The following HHAT variants were observed in gnomAD, a reference collection of about 807,000 sequenced individuals.
HHAT encodes hedgehog acyltransferase.
Under a neutral mutation model 70.8 loss-of-function variants are expected in HHAT, and 47 were observed. That is an observed-to-expected ratio of 0.66 (90% confidence interval 0.53 to 0.85). The LOEUF (loss-of-function observed/expected upper bound fraction) is 0.85, where lower values mean the gene tolerates loss of function less well. Ranked by LOEUF, HHAT falls within the 40% of genes least tolerant of loss-of-function variation. The probability of loss-of-function intolerance (pLI) is 0.00; values close to 1 mark genes in which losing one functional copy is unlikely to be tolerated. For missense variants in HHAT, 609 were observed against 604.8 expected, an observed-to-expected ratio of 1.01 and a Z score of -0.07; for synonymous variants, 228 against 247.6, an observed-to-expected ratio of 0.92 and a Z score of 0.74.
rs569469097 is a variant in HHAT, at chr1:210,444,961, T to C, written c.857-19544T>C. 3.9e-5 allele frequency among the ~76,000 whole-genome samples: 6 copies of C among 152,306 alleles called. 1 individual carries two copies. The South Asian group carries it at 1.2e-3, about 32-fold the overall frequency. Reference sequence around the variant, plus strand: ...TTCAAGCGATTCTCCTGCCTTAGCCTCCTGAGTAGATGGGATTACAGGTAT... The same window carrying C: ...TTCAAGCGATTCTCCTGCCTTAGCCCCCTGAGTAGATGGGATTACAGGTAT... On this transcript the variant is annotated intron_variant, in intron 7 of 11. Transcript: ENST00000261458.
Position 210,537,940 on chromosome 1 carries a change from ATTG to A in HHAT, c.1043+24758_1043+24760del, listed in dbSNP as rs2095390807. 4.6e-5 allele frequency among the ~76,000 whole-genome samples: 7 copies of A among 152,096 alleles called. No individual in the cohort carries two copies. In the South Asian group the frequency reaches 1.0e-3, roughly 23 times the overall value. On this transcript the variant is annotated intron_variant, in intron 9 of 11. Transcript: ENST00000261458. ...AGAGAATTTTATGATTCTGGGTTTT[ATTG>A]TTGTTATTGGTAATTGGATGATATA...
intron 8 of HHAT, among the ~76,000 whole-genome samples, chr1:210,481,007 A>G (rs955665530): frequency 1.3e-5 from 2 of 152,192 alleles, no homozygotes; most frequent in African/African-American, 4.8e-5. Context: ...AAAAGCACAT[A>G]CGCTCACATA....
At chr1:210,507,657 C>T (rs1391861125) in intron 8 of HHAT, among the ~76,000 whole-genome samples, 1 of 151,980 alleles carries the variant, frequency 6.6e-6, no homozygotes, top group Non-Finnish European at 1.5e-5. Flanking sequence ...CCGCACCTGG[C>T]CATGAGAATA....
chr1:210,556,904 C>G (rs946926526), intron 9 of HHAT, among the ~76,000 whole-genome samples: 1 of 152,130 alleles, frequency 6.6e-6, no homozygotes, highest in African/African-American at 2.4e-5. Flanking sequence ...GCCACTGACC[C>G]CCTGAAGGGC....
intron 9 of HHAT, among the ~76,000 whole-genome samples, chr1:210,537,745 T>C (rs1044134508): frequency 6.6e-6 from 1 of 152,238 alleles, no homozygotes; most frequent in Admixed American, 6.5e-5. Flanking sequence ...GGACTAGGAC[T>C]GGCATCTCGT....
chr1:210,358,643 A>T (rs1218352821), intron 2 of HHAT, among the ~76,000 whole-genome samples: 1 of 152,096 alleles, frequency 6.6e-6, no homozygotes, highest in African/African-American at 2.4e-5. Flanking sequence ...TATTGTACTC[A>T]TGGCTTCCTG....
At chr1:210,464,949 T>A (rs572788086) in intron 8 of HHAT, among the ~76,000 whole-genome samples, 1 of 152,226 alleles carries the variant, frequency 6.6e-6, no homozygotes, top group Non-Finnish European at 1.5e-5. Context: ...GAAAGGCTAC[T>A]GTATCTTGAT....
intron 1 of HHAT, 93 bp downstream of exon 1, chr1:210,329,197 G>T (rs1184751857): frequency 8.2e-7 from 1 of 1,223,654 alleles, no homozygotes; most frequent in Non-Finnish European, 1.0e-6. Flanking sequence ...TGCACAAAAC[G>T]CTTTCCGTTT....
At chr1:210,673,004 AC>A (rs1284863528) in intron 11 of HHAT, among the ~76,000 whole-genome samples, 1 of 152,190 alleles carries the variant, frequency 6.6e-6, no homozygotes, top group African/African-American at 2.4e-5. Flanking sequence ...CTTTTAACAC[AC>A]ACAATTGGAT....
intron 9 of HHAT, among the ~76,000 whole-genome samples, chr1:210,565,887 G>C (rs1471242606): frequency 1.3e-5 from 2 of 152,204 alleles, no homozygotes; most frequent in African/African-American, 4.8e-5. Context: ...AGGCTGGATG[G>C]CTCTTGGTGT....
At chr1:210,642,224 T>C (rs1253395773) in intron 11 of HHAT, among the ~76,000 whole-genome samples, 1 of 152,256 alleles carries the variant, frequency 6.6e-6, no homozygotes, top group East Asian at 1.9e-4. Context: ...CATTGTTATG[T>C]ATAGCAATAG....
chr1:210,358,709 G>C (rs1262631579), intron 2 of HHAT, among the ~76,000 whole-genome samples: 2 of 152,316 alleles, frequency 1.3e-5, no homozygotes, highest in Non-Finnish European at 2.9e-5. Flanking sequence ...AAACAGCGGG[G>C]CACGTGCCCC....
At chr1:210,355,996 A>C (rs1191436342) in intron 2 of HHAT, among the ~76,000 whole-genome samples, 1 of 152,074 alleles carries the variant, frequency 6.6e-6, no homozygotes, top group African/African-American at 2.4e-5. Flanking sequence ...AGCTCGCTGC[A>C]AACTCAAGTG....
At chr1:210,638,471 A>G (rs116488961) in intron 11 of HHAT, among the ~76,000 whole-genome samples, 248 of 152,334 alleles carry the variant, frequency 1.6e-3, no homozygotes, top group African/African-American at 5.7e-3. Context: ...CAGAATAGGC[A>G]AATCTATAGA....
intron 5 of HHAT, among the ~76,000 whole-genome samples, chr1:210,402,982 C>T (rs1029563129): frequency 1.3e-5 from 2 of 152,210 alleles, no homozygotes; most frequent in African/African-American, 4.8e-5. Flanking sequence ...GCCTCAATCT[C>T]ATCATTTGGA....
At chr1:210,573,603 A>G (rs1392835181) in intron 9 of HHAT, among the ~76,000 whole-genome samples, 2 of 152,072 alleles carry the variant, frequency 1.3e-5, no homozygotes, top group Non-Finnish European at 2.9e-5. Flanking sequence ...GTAACCCTGG[A>G]GTTTTGCTTT....
At chr1:210,459,407 T>C (rs1042462258) in intron 7 of HHAT, among the ~76,000 whole-genome samples, 18 of 152,170 alleles carry the variant, frequency 1.2e-4, no homozygotes, top group South Asian at 1.0e-3. Flanking sequence ...ATGGCAGATA[T>C]TAAGTGCTGG....
chr1:210,597,605 C>T (rs1008972777), intron 10 of HHAT, among the ~76,000 whole-genome samples: 1 of 152,150 alleles, frequency 6.6e-6, no homozygotes, highest in Non-Finnish European at 1.5e-5. Context: ...TCTCCCTTGG[C>T]TACCACCACC....
intron 9 of HHAT, among the ~76,000 whole-genome samples, chr1:210,574,625 CTT>C (rs1657197849): frequency 6.6e-6 from 1 of 152,208 alleles, no homozygotes; most frequent in Non-Finnish European, 1.5e-5. Context: ...ACCGACCAGA[CTT>C]TGTGTGTGCA....
Sources: gnomAD v4.1 joint callset for allele counts (sites outside exome capture counted in the v4.1 genomes callset) on GRCh38, gnomAD v4.1.1 for gene constraint, MANE v1.5 for transcripts, NCBI Gene and HGNC (gene_info 2026-07-23, HGNC 2026-07-21) for gene names.